Variants in NFAT5 observed in about 807,000 individuals in gnomAD.
NFAT5 encodes the protein nuclear factor of activated T cells 5, also known as nuclear factor of activated T-cells 5.
NFAT5 carries 31 observed loss-of-function variants against 166.5 expected under a neutral mutation model. That is an observed-to-expected ratio of 0.19 (90% CI 0.14 to 0.25). NFAT5 has a LOEUF of 0.25. Ranked by LOEUF, NFAT5 falls within the 10% of genes least tolerant of loss-of-function variation. The pLI is 1.00. For missense variants in NFAT5, 1,449 were observed against 1,821.8 expected, an observed-to-expected ratio of 0.80 and a Z score of 3.72; for synonymous variants, 612 against 639.7, an observed-to-expected ratio of 0.96 and a Z score of 0.65.
chr16:69,566,059 T>TCCCCGTCCTGAAC lies in NFAT5; in HGVS notation c.-239_-227dup. The TCCCCGTCCTGAAC allele has an allele frequency of 2.3e-6, 1 of 442,796 alleles. No individual in the cohort carries two copies. Among genetic ancestry groups the TCCCCGTCCTGAAC allele is most frequent in the South Asian group, 2.4e-5 (1 of 42,434 alleles). 27.4% of individuals were successfully genotyped at this position (442,796 alleles called of 1,614,324 possible). ...ACCCTTTGGCTCTCCCCCTTCCCCTTCCCCGTCCTGAACCCCTCTCCTGGT... is the reference window on the plus strand; with the variant it reads ...ACCCTTTGGCTCTCCCCCTTCCCCTTCCCCGTCCTGAACCCCCGTCCTGAACCCCTCTCCTGGT... On this transcript the variant is annotated 5_prime_UTR_variant, in exon 1 of 15. Coordinates refer to ENST00000349945, the MANE Select transcript of NFAT5 (RefSeq NM_138713.4). This position sits in a 1 kb window ranked among gnomAD's most constrained non-coding sequence, Gnocchi z 5.7.
intron 3 of NFAT5, among the ~76,000 whole-genome samples, chr16:69,633,192 T>C (rs2034795851): frequency 6.6e-6 from 1 of 152,218 alleles, no homozygotes; most frequent in Non-Finnish European, 1.5e-5. Context: ...TAATAACACT[T>C]TTATAAATAT....
Position 69,692,033 on chromosome 16 carries a change from T to G in NFAT5, c.2208T>G (p.Ser736=), listed in dbSNP as rs1199757920. 2 of 1,614,058 alleles carry G rather than the reference T, an allele frequency of 1.2e-6. No homozygotes were observed. The highest frequency in any genetic ancestry group is 2.7e-5 in the African/African-American group (2 of 74,918). The stretch of plus-strand genomic sequence containing the variant: ...AGTTTCAGACAAGAGAAACTCAGTC[T>G]AGAGAGATATTACAGTCAGATGGTA... The part of the protein sequence containing the change: ...ATQFQTRETQ[S]REILQSDGTV... The change falls in exon 13 of 15, where the codon TCT becomes TCG. Residue 736 remains serine, a synonymous_variant. Coordinates refer to ENST00000349945, the MANE Select transcript of NFAT5 (RefSeq NM_138713.4).
intron 1 of NFAT5, 27 bp from the exon 2 acceptor site, chr16:69,568,468 G>C: frequency 6.2e-7 from 1 of 1,602,150 alleles, no homozygotes; most frequent in Non-Finnish European, 8.5e-7. Flanking sequence ...AGCATAAAAA[G>C]TACCTAATGC....
In NFAT5 at chr16:69,647,639, C is replaced by A; in HGVS notation, c.812+53C>A. ...ATCATCATTATGCAAAACAAACAAA[C>A]AAAAAAAATTCCCAATTTTTCCTAA... On this transcript the variant is annotated intron_variant, in intron 4 of 14. Transcript: ENST00000349945. The surrounding 1 kb of genome is among the most constrained non-coding windows in gnomAD (Gnocchi z 4.8). The A allele has an allele frequency of 4.1e-6, 6 of 1,461,058 alleles. No individual in the cohort carries two copies. The highest frequency in any genetic ancestry group is 2.3e-5 in the Admixed American group (1 of 43,240). 90.5% of individuals were successfully genotyped at this position (1,461,058 alleles called of 1,614,324 possible).
chr16:69,669,949 C>T, intron 7 of NFAT5, 28 bp from the exon 8 acceptor site: 1 of 1,529,206 alleles, frequency 6.5e-7, no homozygotes, highest in Non-Finnish European at 8.7e-7. Flanking sequence ...GGTGGTTCTT[C>T]TTATAGAATG....
At chr16:69,636,773 T>C (rs1020126503) in intron 3 of NFAT5, among the ~76,000 whole-genome samples, 1 of 152,120 alleles carries the variant, frequency 6.6e-6, no homozygotes, top group African/African-American at 2.4e-5. Context: ...AAAACCGCTT[T>C]TTCCTCCTGG....
chr16:69,632,681 C>T (rs952809141), intron 3 of NFAT5: 3 of 152,064 alleles, frequency 2.0e-5, no homozygotes, highest in African/African-American at 7.2e-5. Flanking sequence ...AAGAAATTTG[C>T]CTTTGATTGC....
chr16:69,601,286 G>C (rs1417786292), intron 2 of NFAT5, among the ~76,000 whole-genome samples: 1 of 151,892 alleles, frequency 6.6e-6, no homozygotes, highest in Non-Finnish European at 1.5e-5. Context: ...TGCATAAGAG[G>C]GATTATACAT....
chr16:69,652,985 C>T (rs1385252337), intron 4 of NFAT5, among the ~76,000 whole-genome samples: 3 of 152,242 alleles, frequency 2.0e-5, no homozygotes, highest in South Asian at 2.1e-4. Flanking sequence ...CACTCACATA[C>T]GTTCATTTTC....
At chr16:69,664,754 G>A (rs577076402) in intron 7 of NFAT5, among the ~76,000 whole-genome samples, 16 of 152,160 alleles carry the variant, frequency 1.1e-4, no homozygotes, top group African/African-American at 3.6e-4. Context: ...TTGGTCGGGC[G>A]CAGTGGCTCA....
At position 69,693,100 on chromosome 16, in the gene NFAT5, C is replaced by T; in HGVS notation, c.3275C>T (p.Pro1092Leu). Reference protein sequence around the residue: ...SSHSQAQLFHPQNPIADAQNL... With the variant: ...SSHSQAQLFHLQNPIADAQNL... ...CATTCACAGGCCCAACTTTTTCATC[C>T]TCAAAATCCTATTGCCGATGCTCAG... The change falls in exon 13 of 15, where the codon CCT becomes CTT. Residue 1092 changes from proline (P) to leucine (L), a missense_variant. Around this residue, in one of 7 missense-constraint regions of NFAT5, gnomAD observed 891 missense variants for 993.0 expected, o/e 0.90. Coordinates refer to ENST00000349945, the MANE Select transcript of NFAT5 (RefSeq NM_138713.4). The T allele has an allele frequency of 6.2e-7, 1 of 1,614,094 alleles. No individual in the cohort carries two copies. Among genetic ancestry groups the T allele is most frequent in the Non-Finnish European group, 8.5e-7 (1 of 1,180,016 alleles).
At chr16:69,657,193 C>T (rs574663366) in intron 6 of NFAT5, among the ~76,000 whole-genome samples, 12 of 151,636 alleles carry the variant, frequency 7.9e-5, no homozygotes, top group Admixed American at 1.3e-4. Context: ...TGGAGTGGCA[C>T]GATCTCGGCT....
chr16:69,646,503 T>G, intron 3 of NFAT5: 1 of 1,203,814 alleles, frequency 8.3e-7, no homozygotes, highest in Non-Finnish European at 1.1e-6. Flanking sequence ...TATTTTCTCA[T>G]ATTTTTATTC....
intron 2 of NFAT5, among the ~76,000 whole-genome samples, chr16:69,579,263 T>C (rs935407297): frequency 4.6e-5 from 7 of 152,174 alleles, no homozygotes; most frequent in Non-Finnish European, 7.3e-5. Flanking sequence ...CTCTGGAATA[T>C]TGGGCTAACG....
intron 4 of NFAT5, among the ~76,000 whole-genome samples, chr16:69,652,458 A>G (rs1258757312): frequency 3.9e-5 from 6 of 151,968 alleles, no homozygotes; most frequent in Admixed American, 3.9e-4. Flanking sequence ...TCTCAGAAAA[A>G]AAAAAAAAAA....
chr16:69,654,380 T>A (rs187696986), intron 5 of NFAT5, among the ~76,000 whole-genome samples: 1 of 152,340 alleles, frequency 6.6e-6, no homozygotes. Flanking sequence ...AGGAAACGTG[T>A]CTGCCACCAT....
intron 6 of NFAT5, among the ~76,000 whole-genome samples, chr16:69,656,282 C>CAAAAA (rs1230748739): frequency 8.5e-5 from 5 of 58,862 alleles, no homozygotes; most frequent in Admixed American, 1.8e-4. Flanking sequence ...CTCTGTCTCA[C>CAAAAA]AAAAAAAAAA....
In NFAT5 at chr16:69,592,375, A is replaced by G. The variant is rs1177246493; in HGVS notation, c.127+23827A>G. On this transcript the variant is annotated intron_variant, in intron 2 of 14. Transcript: ENST00000349945. ...GATTACAGGCGTGAGCACCATGCTC[A>G]ATGGTAACTACTTTTTAGGGATGAT... Among the ~76,000 whole-genome samples, 4 of 152,136 alleles carry G rather than the reference A, an allele frequency of 2.6e-5. No individual in the cohort carries two copies. The East Asian group carries it at 7.7e-4, about 29-fold the overall frequency.
intron 2 of NFAT5, among the ~76,000 whole-genome samples, chr16:69,622,869 G>A (rs1489369868): frequency 5.9e-5 from 9 of 151,838 alleles, no homozygotes; most frequent in African/African-American, 1.9e-4. Flanking sequence ...CTCGAGGCTG[G>A]GTGTGGTGGC....
Sources: allele counts gnomAD v4.1 joint callset (sites outside exome capture counted in the v4.1 genomes callset), GRCh38; gene constraint gnomAD v4.1.1; regional missense constraint gnomAD v4.1.1; non-coding constraint Gnocchi (gnomAD v3.1); transcripts MANE v1.5; gene names NCBI Gene and HGNC (gene_info 2026-07-23, HGNC 2026-07-21).